The following STXBP5L variants were observed in gnomAD, a reference collection of about 807,000 sequenced individuals.
STXBP5L encodes the protein syntaxin binding protein 5L.
A neutral mutation model predicts 144.5 loss-of-function variants in STXBP5L; 65 were observed. That is an observed-to-expected ratio of 0.45 (90% confidence interval 0.37 to 0.55). STXBP5L has a LOEUF of 0.55. STXBP5L is among the 20% of genes least tolerant of loss of function. STXBP5L has a pLI of 0.00. For synonymous variants in STXBP5L, 505 were observed against 469.6 expected (o/e 1.08, Z -0.97); for missense variants, 1,298 against 1,405.5 (o/e 0.92, Z 1.22).
At chr3:120,966,197 T>A (rs1406901903) in intron 3 of STXBP5L, among the ~76,000 whole-genome samples, 1 of 152,182 alleles carries the variant, frequency 6.6e-6, no homozygotes, top group Non-Finnish European at 1.5e-5. Flanking sequence ...TTGTCAAGGT[T>A]TTTAGCTTCC....
chr3:120,995,692 C>T (rs1576606976), intron 3 of STXBP5L, among the ~76,000 whole-genome samples: 1 of 152,030 alleles, frequency 6.6e-6, no homozygotes, highest in Admixed American at 6.6e-5. Context: ...TCTCCTTACC[C>T]TAGAATAATA....
chr3:121,123,176 C>T (rs1006448753), intron 7 of STXBP5L, among the ~76,000 whole-genome samples: 3 of 151,334 alleles, frequency 2.0e-5, no homozygotes, highest in Non-Finnish European at 3.0e-5. Flanking sequence ...AAATGTTAAA[C>T]ACTAAAAATA....
In STXBP5L at chr3:121,193,311, G is replaced by T. The variant is rs768129433; in HGVS notation, c.878-12612G>T. 4.3e-4 allele frequency among the ~76,000 whole-genome samples: 61 copies of T among 142,942 alleles called. 11 individuals carry two copies. The highest frequency in any genetic ancestry group is 8.4e-4 in the Non-Finnish European group (55 of 65,556). The allele number at this position is 142,942 out of a possible 152,430, so 93.8% of individuals were successfully genotyped here. A position where few individuals can be genotyped will look rare whatever the true frequency, so the allele number is the denominator to read the frequency against. ...CAGTTAGAATGGCGATCATTAAAAA[G>T]TCAGGAAACAAGAGGTGCTGGAAAG... On this transcript the variant is annotated intron_variant, in intron 9 of 26. Transcript: ENST00000471454.
At chr3:120,919,652 A>C (rs1709269355) in intron 2 of STXBP5L, among the ~76,000 whole-genome samples, 1 of 151,776 alleles carries the variant, frequency 6.6e-6, no homozygotes, top group Non-Finnish European at 1.5e-5. Flanking sequence ...ACAGCTCCCC[A>C]CTAGCTATTT....
At chr3:121,296,876 A>G (rs2051673288) in intron 19 of STXBP5L, among the ~76,000 whole-genome samples, 1 of 152,206 alleles carries the variant, frequency 6.6e-6, no homozygotes, top group Non-Finnish European at 1.5e-5. Context: ...CTGCAAAAGT[A>G]GCAATGCAGG....
At chr3:121,328,729 G>A (rs977398257) in intron 20 of STXBP5L, among the ~76,000 whole-genome samples, 1 of 151,976 alleles carries the variant, frequency 6.6e-6, no homozygotes, top group Non-Finnish European at 1.5e-5. Context: ...CAGCATGGGT[G>A]CTAGAGCAAG....
At chr3:121,329,158 C>T (rs1386389480) in intron 20 of STXBP5L, among the ~76,000 whole-genome samples, 1 of 152,120 alleles carries the variant, frequency 6.6e-6, no homozygotes, top group African/African-American at 2.4e-5. Context: ...AGCTGCACTT[C>T]AGGAAGTACT....
chr3:121,372,364 G>A lies in STXBP5L; in HGVS notation c.2177-6352G>A, dbSNP rs190391371. ...GGGAGCAAGTTGAGCCTAGGGTGAC[G>A]GGCATCACTGGTCTGCTCCATTACA... On this transcript the variant is annotated intron_variant, in intron 20 of 26. Transcript: ENST00000471454. 3.7e-3 allele frequency among the ~76,000 whole-genome samples: 558 copies of A among 152,214 alleles called. 2 individuals are homozygous for A. Among genetic ancestry groups the A allele is most frequent in the African/African-American group, 0.013 (534 of 41,532 alleles).
chr3:121,298,618 G>A (rs2051757334), intron 19 of STXBP5L, among the ~76,000 whole-genome samples: 1 of 152,146 alleles, frequency 6.6e-6, no homozygotes, highest in South Asian at 2.1e-4. Flanking sequence ...AACATGATGA[G>A]CCTTCAGGAC....
chr3:121,168,087 G>C (rs1175752153), intron 9 of STXBP5L, among the ~76,000 whole-genome samples: 1 of 152,064 alleles, frequency 6.6e-6, no homozygotes, highest in Non-Finnish European at 1.5e-5. Context: ...TGGAGAAAAA[G>C]GCCCTGACTC....
intron 24 of STXBP5L, among the ~76,000 whole-genome samples, chr3:121,413,963 G>A (rs927132966): frequency 6.6e-6 from 1 of 152,018 alleles, no homozygotes; most frequent in Non-Finnish European, 1.5e-5. Context: ...TTGTATTTTG[G>A]CTCCTCCATT....
intron 9 of STXBP5L, among the ~76,000 whole-genome samples, chr3:121,182,485 C>T (rs1268352098): frequency 1.3e-5 from 2 of 152,140 alleles, no homozygotes; most frequent in Non-Finnish European, 1.5e-5. Flanking sequence ...ATAATCATTA[C>T]ACAACTTATC....
chr3:121,112,183 G>C (rs566069173), intron 5 of STXBP5L, among the ~76,000 whole-genome samples: 1 of 152,118 alleles, frequency 6.6e-6, no homozygotes, highest in Admixed American at 6.6e-5. Flanking sequence ...GATGGCAGCT[G>C]CCCCTCCCCT....
At chr3:121,087,088 T>A (rs978886169) in intron 5 of STXBP5L, among the ~76,000 whole-genome samples, 1 of 152,098 alleles carries the variant, frequency 6.6e-6, no homozygotes, top group African/African-American at 2.4e-5. Flanking sequence ...TTGAGGTTTG[T>A]TTTTCAACCC....
chr3:121,331,272 C>T (rs1242210706), intron 20 of STXBP5L, among the ~76,000 whole-genome samples: 3 of 152,124 alleles, frequency 2.0e-5, no homozygotes, highest in East Asian at 1.9e-4. Flanking sequence ...TCAGGCAGCC[C>T]GGGTGCTCAT....
chr3:121,003,967 T>G (rs1944021147), intron 3 of STXBP5L, among the ~76,000 whole-genome samples: 1 of 152,194 alleles, frequency 6.6e-6, no homozygotes, highest in Non-Finnish European at 1.5e-5. Context: ...GCAGTATAGT[T>G]TGAAGTCAGG....
At chr3:121,231,056 T>A (rs2049291788) in intron 11 of STXBP5L, among the ~76,000 whole-genome samples, 1 of 152,210 alleles carries the variant, frequency 6.6e-6, no homozygotes, top group South Asian at 2.1e-4. Flanking sequence ...TCTGGTGGGC[T>A]GATTAATGGG....
chr3:121,167,187 A>G lies in STXBP5L; in HGVS notation c.877+9560A>G, dbSNP rs183922821. Among the ~76,000 whole-genome samples, 5 of 152,278 alleles carry G rather than the reference A, an allele frequency of 3.3e-5. No homozygotes were observed. In the East Asian group the frequency reaches 7.7e-4, roughly 23 times the overall value. On this transcript the variant is annotated intron_variant, in intron 9 of 26. Transcript: ENST00000471454. ...TCAGAACACATATCAACACCTCCAC[A>G]CACACATAAATGAAGTACAATTAAT... is the stretch of plus-strand genomic sequence containing the variant.
Position 121,041,778 on chromosome 3 carries a change from T to G in STXBP5L, c.366T>G (p.Asn122Lys). 1 of 1,610,964 alleles carries G rather than the reference T, an allele frequency of 6.2e-7. No homozygotes were observed. ...TCCTACAGCTCCAATTTTTGATCAA[T>G]GAGGTAAGGATTATTTTTTGACTAC... ...AAVLQLQFLI[N>K]EGALVSASSD... Residue 122 changes from asparagine to lysine, a missense_variant, in exon 4 of 27, where the codon AAT becomes AAG. Asn to Lys is a moderately conservative substitution (Grantham distance 94, BLOSUM62 0). Coordinates refer to ENST00000471454, the MANE Select transcript of STXBP5L (RefSeq NM_001308330.2).
Sources: gnomAD v4.1 joint callset for allele counts (sites outside exome capture counted in the v4.1 genomes callset) on GRCh38, gnomAD v4.1.1 for gene constraint, MANE v1.5 for transcripts, NCBI Gene and HGNC (gene_info 2026-07-23, HGNC 2026-07-21) for gene names.